ATG7: variants seen among roughly 807,000 people sequenced by gnomAD.
The protein encoded by ATG7 is autophagy related 7, also known as ubiquitin-like modifier-activating enzyme ATG7.
A neutral mutation model predicts 82.4 loss-of-function variants in ATG7; 70 were observed. The ratio of observed to expected loss-of-function variants is 0.85; its 90% confidence interval spans 0.70 to 1.04. The LOEUF (loss-of-function observed/expected upper bound fraction) is 1.04, where lower values mean the gene tolerates loss of function less well. ATG7 is among the 50% of genes least tolerant of loss of function. The probability of loss-of-function intolerance (pLI) is 0.00; values close to 1 mark genes in which losing one functional copy is unlikely to be tolerated. For missense variants in ATG7, 792 were observed against 864.3 expected (o/e 0.92, Z 1.05); for synonymous variants, 287 against 313.0 (o/e 0.92, Z 0.88).
intron 20 of ATG7, among the ~76,000 whole-genome samples, chr3:11,515,820 C>A (rs184971907): frequency 2.0e-5 from 3 of 152,122 alleles, no homozygotes; most frequent in East Asian, 1.9e-4. Flanking sequence ...ACAATGAATT[C>A]TCTTGCTGGG....
intron 20 of ATG7, among the ~76,000 whole-genome samples, chr3:11,519,539 GTTTTTTTTTTTTTTTTTT>G (rs574523805): frequency 1.7e-3 from 108 of 62,206 alleles, no homozygotes; most frequent in Non-Finnish European, 3.0e-3. Context: ...AGTGAGAGGA[GTTTTTTTTTTTTTTTTTT>G]TTTTTTTTTT....
intron 1 of ATG7, among the ~76,000 whole-genome samples, chr3:11,275,509 C>T (rs113638271): frequency 0.035 from 5,155 of 145,438 alleles, 120 homozygotes; most frequent in Non-Finnish European, 0.053. Flanking sequence ...CCACCATGCC[C>T]GGCTAATTTT....
chr3:11,353,559 G>T (rs570020996), intron 14 of ATG7, among the ~76,000 whole-genome samples: 1 of 152,308 alleles, frequency 6.6e-6, no homozygotes, highest in Admixed American at 6.5e-5. Context: ...ACTGTTGGAG[G>T]TGGGGCCTGG....
At chr3:11,358,324 C>A in intron 14 of ATG7, 94 bp from the exon 15 acceptor site, 1 of 1,283,796 alleles carries the variant, frequency 7.8e-7, no homozygotes. Flanking sequence ...TGTATGTGAA[C>A]ACAAGTAAGT....
At chr3:11,509,419 T>C (rs1316967142) in intron 20 of ATG7, among the ~76,000 whole-genome samples, 1 of 150,938 alleles carries the variant, frequency 6.6e-6, no homozygotes, top group Non-Finnish European at 1.5e-5. Flanking sequence ...AAGTGCCAAA[T>C]TGTGAGCTCC....
chr3:11,430,863 T>A (rs2082809629), intron 20 of ATG7, among the ~76,000 whole-genome samples: 2 of 152,234 alleles, frequency 1.3e-5, no homozygotes, highest in Admixed American at 1.3e-4. Context: ...ATATTTCACT[T>A]AGTTTTAAAG....
chr3:11,388,409 A>G (rs1241232508), intron 19 of ATG7, among the ~76,000 whole-genome samples: 1 of 150,480 alleles, frequency 6.6e-6, no homozygotes, highest in Admixed American at 6.6e-5. Context: ...AAGGTCCCCA[A>G]CTAGCCACTG....
intron 20 of ATG7, among the ~76,000 whole-genome samples, chr3:11,496,171 A>G (rs567258816): frequency 3.3e-5 from 5 of 152,222 alleles, no homozygotes; most frequent in Non-Finnish European, 7.3e-5. Context: ...ACTAAAAAAA[A>G]CATCCACAGA....
intron 9 of ATG7, among the ~76,000 whole-genome samples, chr3:11,328,466 T>C (rs1210965954): frequency 6.6e-6 from 1 of 152,178 alleles, no homozygotes; most frequent in East Asian, 1.9e-4. Flanking sequence ...TTAAATTAAA[T>C]ACGAATCTGT....
At chr3:11,273,979 C>G (rs761689459) in intron 1 of ATG7, among the ~76,000 whole-genome samples, 1 of 152,126 alleles carries the variant, frequency 6.6e-6, no homozygotes, top group Non-Finnish European at 1.5e-5. Context: ...CTTTCCCATC[C>G]CCCAACGCTG....
chr3:11,371,276 G>T (rs1414661093), intron 18 of ATG7, among the ~76,000 whole-genome samples: 1 of 151,118 alleles, frequency 6.6e-6, no homozygotes, highest in African/African-American at 2.4e-5. Flanking sequence ...GCAGGGGGAC[G>T]TAGAACAGGC....
intron 19 of ATG7, among the ~76,000 whole-genome samples, chr3:11,401,514 C>T (rs2079834517): frequency 6.6e-6 from 1 of 152,178 alleles, no homozygotes. Context: ...CTTTCTTATC[C>T]ACTACACTCA....
At chr3:11,465,072 A>G (rs1193272365) in intron 20 of ATG7, among the ~76,000 whole-genome samples, 1 of 133,510 alleles carries the variant, frequency 7.5e-6, no homozygotes, top group Non-Finnish European at 1.6e-5. Flanking sequence ...TATCAAATCA[A>G]TCTCTAAAAA....
chr3:11,477,164 C>T, intron 20 of ATG7: 1 of 1,289,726 alleles, frequency 7.8e-7, no homozygotes, highest in Non-Finnish European at 1.0e-6. Flanking sequence ...CTGGATGAAG[C>T]AGGAGAGGCA....
intron 20 of ATG7, among the ~76,000 whole-genome samples, chr3:11,528,825 C>CA (rs11377789): frequency 0.19 from 16,515 of 88,226 alleles, 1,755 homozygotes; most frequent in East Asian, 0.45. Context: ...GACTCCATCT[C>CA]AAAAAAAAAA....
intron 20 of ATG7, among the ~76,000 whole-genome samples, chr3:11,501,665 T>G (rs1393144097): frequency 6.6e-6 from 1 of 152,198 alleles, no homozygotes; most frequent in African/African-American, 2.4e-5. Context: ...TGATATATTC[T>G]GAGGTTAAGT....
chr3:11,339,769 A>G (rs981357628), intron 11 of ATG7, among the ~76,000 whole-genome samples: 2 of 152,232 alleles, frequency 1.3e-5, no homozygotes. Flanking sequence ...GAAGGGAGAT[A>G]TGGAGAGCCA....
At chr3:11,545,843 C>T (rs2071234936) in intron 20 of ATG7, among the ~76,000 whole-genome samples, 1 of 152,230 alleles carries the variant, frequency 6.6e-6, no homozygotes, top group Admixed American at 6.5e-5. Context: ...CAGCCTCCTG[C>T]AGAAGAAGTG....
intron 9 of ATG7, among the ~76,000 whole-genome samples, chr3:11,325,407 C>T (rs1210540706): frequency 1.3e-5 from 2 of 152,194 alleles, no homozygotes; most frequent in Non-Finnish European, 2.9e-5. Context: ...CGTGGTGGCT[C>T]ACGCCTGTAA....
Sources: allele counts gnomAD v4.1 joint callset (sites outside exome capture counted in the v4.1 genomes callset), GRCh38; gene constraint gnomAD v4.1.1; transcripts MANE v1.5; gene names NCBI Gene and HGNC (gene_info 2026-07-23, HGNC 2026-07-21).